The following LMX1A variants were observed in gnomAD, a reference collection of about 807,000 sequenced individuals.
LMX1A encodes LIM homeobox transcription factor 1 alpha.
Under a neutral mutation model 49.1 loss-of-function variants are expected in LMX1A, and 15 were observed. The observed-to-expected ratio is 0.31, with a 90% CI of 0.20 to 0.47. LMX1A has a LOEUF of 0.47. Among genes scored for constraint, LMX1A ranks in the 20% least tolerant of loss-of-function variants. LMX1A has a pLI of 1.00. For synonymous variants in LMX1A, 167 were observed against 185.7 expected, an observed-to-expected ratio of 0.90 and a Z score of 0.82; for missense variants, 372 against 475.8, an observed-to-expected ratio of 0.78 and a Z score of 2.03.
chr1:165,334,325 C>G (rs536089435), intron 3 of LMX1A, among the ~76,000 whole-genome samples: 1 of 152,272 alleles, frequency 6.6e-6, no homozygotes, highest in African/African-American at 2.4e-5. Context: ...ACTGCTGTCT[C>G]CAATTCCATA....
chr1:165,308,135 C>T (rs1654973795), intron 3 of LMX1A, among the ~76,000 whole-genome samples: 2 of 152,220 alleles, frequency 1.3e-5, no homozygotes, highest in Non-Finnish European at 2.9e-5. Context: ...ATTATTAGTC[C>T]AAGACTGAAA....
intron 3 of LMX1A, among the ~76,000 whole-genome samples, chr1:165,306,486 CA>C (rs1262149465): frequency 3.3e-5 from 5 of 152,206 alleles, no homozygotes. Flanking sequence ...TAGTCTGAAA[CA>C]AAGTTGCCCC....
rs768054004 is a variant in LMX1A at position 165,321,216 on chromosome 1, C to T, written c.263+31860G>A. On this transcript the variant is annotated intron_variant, in intron 3 of 8. Transcript: ENST00000342310. The stretch of plus-strand genomic sequence containing the variant: ...CAAATCCATAGAAACAGAAAGTAGA[C>T]TAATGGTTGCCAAGGGCTGGGGAGT... Among the ~76,000 whole-genome samples, 27 of 152,102 alleles carry T rather than the reference C, an allele frequency of 1.8e-4. 1 individual carries two copies. Among genetic ancestry groups the T allele is most frequent in the Admixed American group, 1.8e-3 (27 of 15,268 alleles).
chr1:165,253,497 AG>A (rs1459889184), intron 3 of LMX1A, among the ~76,000 whole-genome samples: 2 of 152,142 alleles, frequency 1.3e-5, no homozygotes, highest in Non-Finnish European at 2.9e-5. Flanking sequence ...ACACAAAAAA[AG>A]AGGGCCATTC....
intron 3 of LMX1A, among the ~76,000 whole-genome samples, chr1:165,295,232 G>C (rs942276466): frequency 6.6e-6 from 1 of 151,248 alleles, no homozygotes; most frequent in Non-Finnish European, 1.5e-5. Flanking sequence ...AGATGTAGAA[G>C]ATAATCCCCA....
rs1031194730 is a variant in LMX1A, at chr1:165,203,738, A to G, written c.*142T>C. The G allele has an allele frequency of 1.5e-6, 1 of 647,954 alleles. No individual in the cohort carries two copies. The highest frequency in any genetic ancestry group is 2.8e-6 in the Non-Finnish European group (1 of 362,456). 40.1% of individuals were successfully genotyped at this position (647,954 alleles called of 1,614,324 possible). A position where few individuals can be genotyped will look rare whatever the true frequency, so the allele number is the denominator to read the frequency against. On this transcript the variant is annotated 3_prime_UTR_variant, in exon 9 of 9. Coordinates refer to ENST00000342310, the MANE Select transcript of LMX1A (RefSeq NM_177398.4). The stretch of plus-strand genomic sequence containing the variant: ...GTCTTTGGAAATGCTGAGCTACACC[A>G]TATCATTATACAACAGCATCCCCAA...
At chr1:165,335,534 C>A (rs7554956) in intron 3 of LMX1A, among the ~76,000 whole-genome samples, 26,143 of 151,974 alleles carry the variant, frequency 0.17, 2,619 homozygotes, top group Non-Finnish European at 0.22. Context: ...CCACTTCTTT[C>A]GCATTATTTC....
intron 3 of LMX1A, among the ~76,000 whole-genome samples, chr1:165,298,729 A>G (rs537389933): frequency 1.0e-3 from 154 of 152,360 alleles, no homozygotes; most frequent in African/African-American, 3.6e-3. Context: ...AAAGGACTGT[A>G]GCTTTTAGAA....
chr1:165,285,530 T>C (rs987093714), intron 3 of LMX1A, among the ~76,000 whole-genome samples: 2 of 152,200 alleles, frequency 1.3e-5, no homozygotes, highest in African/African-American at 4.8e-5. Context: ...AGTCCTCTTG[T>C]ACAGAAAACA....
At chr1:165,255,697 G>A (rs1471118988) in intron 3 of LMX1A, among the ~76,000 whole-genome samples, 4 of 152,190 alleles carry the variant, frequency 2.6e-5, no homozygotes, top group African/African-American at 4.8e-5. Flanking sequence ...GTTCTGGTCA[G>A]GTTCAGTGGC....
rs1285712753 is a variant in LMX1A, at chr1:165,353,230, C to T, written c.109G>A (p.Gly37Ser). 1.2e-6 allele frequency: 2 copies of T among 1,613,466 alleles called. No homozygotes were observed. The highest frequency in any genetic ancestry group is 1.7e-5 in the Admixed American group (1 of 60,022). The change falls in exon 3 of 9, where the codon GGC (glycine) becomes AGC (serine). Residue 37 changes from glycine (G) to serine (S), a missense_variant. Gly to Ser is a moderately conservative substitution (Grantham distance 56, BLOSUM62 0). This residue lies in a region of LMX1A where 199 missense variants were observed against 244.0 expected (regional missense o/e 0.82). Coordinates refer to ENST00000342310, the MANE Select transcript of LMX1A (RefSeq NM_177398.4). ...CTGTCCAAGATGACCCGCTGACAGC[C>T]CTCGCAGACAGACTTGGGGCTCACC... is the stretch of plus-strand genomic sequence containing the variant. ...RAVSPKSVCE[G>S]CQRVILDRFL...
At chr1:165,312,465 A>G (rs1655102452) in intron 3 of LMX1A, among the ~76,000 whole-genome samples, 2 of 151,684 alleles carry the variant, frequency 1.3e-5, no homozygotes, top group South Asian at 4.2e-4. Context: ...TTCCCCCTCC[A>G]TGAGTCTAGC....
chr1:165,265,801 G>T (rs955082419), intron 3 of LMX1A, among the ~76,000 whole-genome samples: 1 of 152,080 alleles, frequency 6.6e-6, no homozygotes, highest in African/African-American at 2.4e-5. Context: ...AGGAAAAGGG[G>T]TAGACAAAAC....
At chr1:165,240,383 A>T (rs911940136) in intron 4 of LMX1A, among the ~76,000 whole-genome samples, 17 of 152,002 alleles carry the variant, frequency 1.1e-4, no homozygotes, top group African/African-American at 3.1e-4. Flanking sequence ...GGCTAGATTG[A>T]TCTCCAAGCT....
At chr1:165,300,216 G>C (rs1654740039) in intron 3 of LMX1A, among the ~76,000 whole-genome samples, 1 of 152,182 alleles carries the variant, frequency 6.6e-6, no homozygotes, top group East Asian at 1.9e-4. Flanking sequence ...ATCATTTTGA[G>C]CTTGGAGCTG....
At chr1:165,349,958 A>G (rs1656370661) in intron 3 of LMX1A, among the ~76,000 whole-genome samples, 1 of 152,194 alleles carries the variant, frequency 6.6e-6, no homozygotes, top group Non-Finnish European at 1.5e-5. Flanking sequence ...CCTATGATTG[A>G]CACTGAAAAC....
chr1:165,241,649 C>T (rs6657671), intron 4 of LMX1A, among the ~76,000 whole-genome samples: 152,064 of 152,314 alleles, frequency 1, 75,907 homozygotes, highest in Middle Eastern at 1. Context: ...CTATCTTTCA[C>T]TGGAAAATTC....
intron 3 of LMX1A, among the ~76,000 whole-genome samples, chr1:165,311,025 T>G (rs1360973970): frequency 2.0e-5 from 3 of 152,222 alleles, no homozygotes. Context: ...CCCACTTCTT[T>G]AAGTTCTAAT....
chr1:165,336,907 T>A lies in LMX1A; in HGVS notation c.263+16169A>T, dbSNP rs1157852899. On this transcript the variant is annotated intron_variant, in intron 3 of 8. Coordinates refer to ENST00000342310, the MANE Select transcript of LMX1A (RefSeq NM_177398.4). ...ATAAACTACAGCATATTCTGGAAGATAATTAGTGGTCTGGGAAAAGAGAAA... is the reference window on the plus strand; with the variant it reads ...ATAAACTACAGCATATTCTGGAAGAAAATTAGTGGTCTGGGAAAAGAGAAA... Among the ~76,000 whole-genome samples, 5 of 152,168 alleles carry A rather than the reference T, an allele frequency of 3.3e-5. No individual in the cohort carries two copies. In the East Asian group the frequency reaches 9.6e-4, roughly 29 times the overall value.
Sources: gnomAD v4.1 joint callset for allele counts (sites outside exome capture counted in the v4.1 genomes callset) on GRCh38, gnomAD v4.1.1 for gene constraint, gnomAD v4.1.1 regional missense constraint, MANE v1.5 for transcripts, NCBI Gene and HGNC (gene_info 2026-07-23, HGNC 2026-07-21) for gene names.